CALB2: variants seen among roughly 807,000 people sequenced by gnomAD.
CALB2 encodes calretinin.
CALB2 carries 34 observed loss-of-function variants against 45.9 expected under a neutral mutation model. The observed-to-expected ratio is 0.74, with a 90% CI of 0.56 to 0.99. The LOEUF is 0.99. Among genes scored for constraint, CALB2 ranks in the 50% least tolerant of loss-of-function variants. The pLI is 0.00. For missense variants in CALB2, 344 were observed against 339.3 expected (o/e 1.01, Z -0.11); for synonymous variants, 142 against 129.6 (o/e 1.10, Z -0.65).
intron 2 of CALB2, among the ~76,000 whole-genome samples, chr16:71,373,545 G>A (rs1278836412): frequency 6.6e-6 from 1 of 152,160 alleles, no homozygotes; most frequent in Non-Finnish European, 1.5e-5. Flanking sequence ...CCCTTCCTCA[G>A]ATGTCATCCG....
intron 1 of CALB2, among the ~76,000 whole-genome samples, chr16:71,361,886 G>A (rs540325270): frequency 5.9e-5 from 9 of 152,324 alleles, no homozygotes; most frequent in African/African-American, 2.2e-4. Context: ...AGCAAAGCAG[G>A]AAGAGGTGAA....
At chr16:71,385,747 C>A in intron 10 of CALB2, 99 bp downstream of exon 10, 1 of 814,002 alleles carries the variant, frequency 1.2e-6, no homozygotes, top group Non-Finnish European at 1.9e-6. Context: ...CTCTCTACTC[C>A]CCTCTGATCT....
At chr16:71,365,665 G>A (rs2042276181) in intron 1 of CALB2, among the ~76,000 whole-genome samples, 1 of 152,160 alleles carries the variant, frequency 6.6e-6, no homozygotes, top group African/African-American at 2.4e-5. Context: ...CACCCAGGTA[G>A]TTCCAATGCT....
chr16:71,383,040 C>T (rs1390282695), intron 5 of CALB2, among the ~76,000 whole-genome samples: 1 of 152,168 alleles, frequency 6.6e-6, no homozygotes, highest in Non-Finnish European at 1.5e-5. Context: ...AGAAGATTGG[C>T]CTCTGGCTCC....
chr16:71,375,845 C>T (rs1468624553), intron 3 of CALB2, among the ~76,000 whole-genome samples: 8 of 152,186 alleles, frequency 5.3e-5, no homozygotes, highest in Admixed American at 5.2e-4. Flanking sequence ...TCTGTTGTAC[C>T]CCTGTGTCAA....
chr16:71,382,124 A>AAGAAGGAAGGAAAG (rs1555526523), intron 4 of CALB2, among the ~76,000 whole-genome samples: 4 of 34,372 alleles, frequency 1.2e-4, no homozygotes, highest in African/African-American at 2.8e-4. Flanking sequence ...AAAGGAAGAA[A>AAGAAGGAAGGAAAG]AAGGAAGGAA....
intron 3 of CALB2, 69 bp from the exon 4 acceptor site, chr16:71,377,598 G>A: frequency 1.8e-6 from 2 of 1,104,550 alleles, no homozygotes; most frequent in Non-Finnish European, 2.7e-6. Flanking sequence ...ATCCTTCTTA[G>A]GGGAAAATCT....
intron 2 of CALB2, among the ~76,000 whole-genome samples, chr16:71,374,041 G>A (rs1021595366): frequency 6.6e-6 from 1 of 152,206 alleles, no homozygotes; most frequent in Non-Finnish European, 1.5e-5. Flanking sequence ...TGATTAGGGA[G>A]AAGGAAGAGC....
chr16:71,383,599 G>A (rs558096150), intron 6 of CALB2, among the ~76,000 whole-genome samples, 155 bp downstream of exon 6: 41 of 152,276 alleles, frequency 2.7e-4, no homozygotes, highest in Admixed American at 2.6e-3. Flanking sequence ...CTACTTCGTG[G>A]CTTCACATAC....
At chr16:71,366,020 C>CTTTTTTTTTTTTTTTTTTT (rs2042281945) in intron 1 of CALB2, among the ~76,000 whole-genome samples, 7 of 28,864 alleles carry the variant, frequency 2.4e-4, no homozygotes, top group African/African-American at 5.5e-4. Flanking sequence ...TTCCCTCTCT[C>CTTTTTTTTTTTTTTTTTTT]TCTCTTTTTT....
chr16:71,381,148 C>T (rs899479120), intron 4 of CALB2, among the ~76,000 whole-genome samples: 2 of 152,210 alleles, frequency 1.3e-5, no homozygotes, highest in Non-Finnish European at 2.9e-5. Flanking sequence ...TCTTCCTCTT[C>T]TCAGTAAAGA....
At chr16:71,363,004 A>AC (rs567269352) in intron 1 of CALB2, among the ~76,000 whole-genome samples, 1,881 of 150,324 alleles carry the variant, frequency 0.013, 11 homozygotes, top group Non-Finnish European at 0.02. Flanking sequence ...ATACAGTGAG[A>AC]CCCCCCCTCC....
In CALB2 at chr16:71,358,750, C is replaced by T. The variant is rs774567031; in HGVS notation, c.-43C>T. 4.0e-6 allele frequency: 6 copies of T among 1,504,380 alleles called. No individual in the cohort carries two copies. The highest frequency in any genetic ancestry group is 5.5e-6 in the Non-Finnish European group (6 of 1,099,744). 93.2% of individuals were successfully genotyped at this position (1,504,380 alleles called of 1,614,324 possible). ...CGCGAGTGCCAGAGCCCAGCCGGCG[C>T]GGAGCGGGAGCGGTGCAGGCTGAGG... is the stretch of plus-strand genomic sequence containing the variant. On this transcript the variant is annotated 5_prime_UTR_variant, in exon 1 of 11. Transcript: ENST00000302628.
At chr16:71,385,549 T>A (rs751119710) in intron 9 of CALB2, 28 bp from the exon 10 acceptor site, 1 of 1,607,716 alleles carries the variant, frequency 6.2e-7, no homozygotes, top group Non-Finnish European at 8.5e-7. Context: ...GCTTTAGAGC[T>A]CTGGGTTGAC....
chr16:71,387,874 A>G (rs1427003394), intron 10 of CALB2, among the ~76,000 whole-genome samples: 2 of 152,194 alleles, frequency 1.3e-5, no homozygotes, highest in Non-Finnish European at 2.9e-5. Context: ...ACATGCTTGC[A>G]AAGTGCCCTT....
Position 71,364,913 on chromosome 16 carries a change from C to T in CALB2, c.94+6027C>T, listed in dbSNP as rs368816770. 1.6e-4 allele frequency among the ~76,000 whole-genome samples: 25 copies of T among 152,278 alleles called. 1 individual carries two copies. In the South Asian group the frequency reaches 5.2e-3, roughly 32 times the overall value. On this transcript the variant is annotated intron_variant, in intron 1 of 10. Coordinates refer to ENST00000302628, the MANE Select transcript of CALB2 (RefSeq NM_001740.5). ...GGGACAAATAGAAGGAGGCCAGGAC[C>T]TCTGTCAGCTGTGGCTGAATCTCCT...
intron 1 of CALB2, among the ~76,000 whole-genome samples, chr16:71,367,524 C>T (rs2042302136): frequency 6.6e-6 from 1 of 152,156 alleles, no homozygotes; most frequent in South Asian, 2.1e-4. Context: ...GGCCATTTGC[C>T]ATCCACAATC....
intron 1 of CALB2, among the ~76,000 whole-genome samples, chr16:71,360,862 T>A (rs2042231333): frequency 6.6e-6 from 1 of 152,196 alleles, no homozygotes; most frequent in African/African-American, 2.4e-5. Flanking sequence ...TGGGGCTGGT[T>A]CCTGGCCAGC....
chr16:71,367,620 G>T (rs2042303364), intron 1 of CALB2, among the ~76,000 whole-genome samples: 1 of 152,170 alleles, frequency 6.6e-6, no homozygotes, highest in African/African-American at 2.4e-5. Context: ...GCCATCAGCT[G>T]CCTGTCTGCC....
Sources: allele counts gnomAD v4.1 joint callset (sites outside exome capture counted in the v4.1 genomes callset), GRCh38; gene constraint gnomAD v4.1.1; transcripts MANE v1.5; gene names NCBI Gene and HGNC (gene_info 2026-07-23, HGNC 2026-07-21).